The following RASGRF2 variants were observed in gnomAD, a reference collection of about 807,000 sequenced individuals.
RASGRF2 encodes Ras protein specific guanine nucleotide releasing factor 2.
A neutral mutation model predicts 151.0 loss-of-function variants in RASGRF2; 76 were observed. That is an observed-to-expected ratio of 0.50 (90% CI 0.42 to 0.61). RASGRF2 has a LOEUF of 0.61. Ranked by LOEUF, RASGRF2 falls within the 20% of genes least tolerant of loss-of-function variation. The probability of loss-of-function intolerance (pLI) is 0.00; values close to 1 mark genes in which losing one functional copy is unlikely to be tolerated. For missense variants in RASGRF2, 1,148 were observed against 1,564.6 expected, an observed-to-expected ratio of 0.73 and a Z score of 4.49; for synonymous variants, 504 against 566.5, an observed-to-expected ratio of 0.89 and a Z score of 1.57.
At chr5:81,002,884 G>A (rs1284336938) in intron 1 of RASGRF2, among the ~76,000 whole-genome samples, 3 of 152,100 alleles carry the variant, frequency 2.0e-5, no homozygotes, top group Non-Finnish European at 2.9e-5. Context: ...TTTGTTCATC[G>A]AGCTGCTTAT....
chr5:81,163,299 C>T (rs1246948965), intron 17 of RASGRF2, among the ~76,000 whole-genome samples: 3 of 152,038 alleles, frequency 2.0e-5, no homozygotes, highest in African/African-American at 4.8e-5. Flanking sequence ...CTAGGAAGTG[C>T]GATTTCTAGC....
chr5:81,225,562 C>T, intron 26 of RASGRF2, 116 bp from the exon 27 acceptor site: 11 of 1,286,278 alleles, frequency 8.6e-6, no homozygotes, highest in Admixed American at 7.5e-5. Context: ...ATTTTTTGGT[C>T]AAATAAGATT....
intron 18 of RASGRF2, among the ~76,000 whole-genome samples, chr5:81,184,508 A>C (rs1407495484): frequency 3.3e-5 from 5 of 152,208 alleles, no homozygotes; most frequent in African/African-American, 1.2e-4. Context: ...TGCTCTGTCC[A>C]TTTATTCGAG....
At chr5:81,073,134 T>C (rs1032911973) in intron 4 of RASGRF2, 65 bp from the exon 5 acceptor site, 6 of 1,508,966 alleles carry the variant, frequency 4.0e-6, no homozygotes, top group Non-Finnish European at 5.4e-6. Flanking sequence ...ATATTTCATG[T>C]TCTTTTCCAT....
intron 17 of RASGRF2, among the ~76,000 whole-genome samples, chr5:81,168,795 T>C (rs1754576241): frequency 1.3e-5 from 2 of 152,244 alleles, no homozygotes; most frequent in African/African-American, 4.8e-5. Flanking sequence ...TGACAACCGA[T>C]AGCTTGCCAG....
chr5:81,037,342 C>A (rs2112381351), intron 1 of RASGRF2, among the ~76,000 whole-genome samples: 1 of 152,270 alleles, frequency 6.6e-6, no homozygotes, highest in African/African-American at 2.4e-5. Flanking sequence ...ATATAGAATT[C>A]TATGTTGAAT....
At chr5:81,020,352 T>C (rs1033603819) in intron 1 of RASGRF2, among the ~76,000 whole-genome samples, 5 of 152,210 alleles carry the variant, frequency 3.3e-5, no homozygotes, top group Admixed American at 3.3e-4. Flanking sequence ...GTAATTTACC[T>C]GTAATCTTTT....
At chr5:81,056,784 A>G (rs1376441995) in intron 2 of RASGRF2, among the ~76,000 whole-genome samples, 1 of 152,156 alleles carries the variant, frequency 6.6e-6, no homozygotes, top group African/African-American at 2.4e-5. Flanking sequence ...TAGGTCTCTA[A>G]GGAGTTGCTT....
In RASGRF2 at chr5:80,973,017, C is replaced by T. The variant is rs145641299; in HGVS notation, c.288+11991C>T. 2.0e-3 allele frequency among the ~76,000 whole-genome samples: 311 copies of T among 152,226 alleles called. 3 individuals carry two copies. Among genetic ancestry groups the T allele is most frequent in the African/African-American group, 6.9e-3 (287 of 41,512 alleles). Reference sequence around the variant, plus strand: ...GTGGTTTGCCTTTCTACTCTCTTAACGGTGTCTTTAATGAACAGAAGTTCT... The same window carrying T: ...GTGGTTTGCCTTTCTACTCTCTTAATGGTGTCTTTAATGAACAGAAGTTCT... On this transcript the variant is annotated intron_variant, in intron 1 of 26. Transcript: ENST00000265080.
At chr5:80,973,222 C>T (rs1414474018) in intron 1 of RASGRF2, among the ~76,000 whole-genome samples, 1 of 152,154 alleles carries the variant, frequency 6.6e-6, no homozygotes, top group Non-Finnish European at 1.5e-5. Flanking sequence ...TCACAGAAGA[C>T]CCAACCATAG....
chr5:81,067,015 T>A (rs1306280156), intron 2 of RASGRF2, among the ~76,000 whole-genome samples: 1 of 152,202 alleles, frequency 6.6e-6, no homozygotes, highest in Non-Finnish European at 1.5e-5. Context: ...GTTTAGCTGG[T>A]GTTTAAGAAC....
At chr5:81,022,028 T>C (rs1749846081) in intron 1 of RASGRF2, among the ~76,000 whole-genome samples, 1 of 152,180 alleles carries the variant, frequency 6.6e-6, no homozygotes, top group Admixed American at 6.5e-5. Context: ...ATTCAGAATC[T>C]GAAAAACACC....
chr5:81,206,793 C>T, intron 19 of RASGRF2, 52 bp from the exon 20 acceptor site: 1 of 1,488,064 alleles, frequency 6.7e-7, no homozygotes. Flanking sequence ...TAGTTTTGTT[C>T]CTAGGTTGTC....
intron 1 of RASGRF2, among the ~76,000 whole-genome samples, chr5:81,039,721 C>A (rs1333687674): frequency 6.6e-6 from 1 of 151,272 alleles, no homozygotes; most frequent in African/African-American, 2.4e-5. Flanking sequence ...TATAACTTAC[C>A]ATATGTATAG....
intron 12 of RASGRF2, among the ~76,000 whole-genome samples, chr5:81,097,000 C>T (rs891990516): frequency 4.0e-5 from 6 of 151,330 alleles, no homozygotes; most frequent in African/African-American, 7.3e-5. Flanking sequence ...CTCGCTCTGT[C>T]GCCCAGGCTG....
intron 2 of RASGRF2, among the ~76,000 whole-genome samples, chr5:81,044,117 T>C (rs1438651004): frequency 1.3e-5 from 2 of 152,072 alleles, no homozygotes; most frequent in Non-Finnish European, 2.9e-5. Context: ...TCAGTTTGAT[T>C]GTAAGAATGA....
intron 2 of RASGRF2, among the ~76,000 whole-genome samples, chr5:81,060,643 C>T (rs1464321293): frequency 6.6e-6 from 1 of 152,096 alleles, no homozygotes; most frequent in East Asian, 1.9e-4. Context: ...AAATATACAA[C>T]ACTCAGTAAA....
chr5:81,064,345 G>T (rs1751532289), intron 2 of RASGRF2, among the ~76,000 whole-genome samples: 1 of 152,186 alleles, frequency 6.6e-6, no homozygotes, highest in Admixed American at 6.5e-5. Context: ...AAGACAGCAA[G>T]AGAAGGCAAG....
At chr5:81,126,546 C>T (rs546332743) in intron 16 of RASGRF2, among the ~76,000 whole-genome samples, 25 of 152,238 alleles carry the variant, frequency 1.6e-4, no homozygotes, top group Non-Finnish European at 2.8e-4. Flanking sequence ...TACTCATTAG[C>T]GGTCACTCTC....
Sources: allele counts gnomAD v4.1 joint callset (sites outside exome capture counted in the v4.1 genomes callset), GRCh38; gene constraint gnomAD v4.1.1; transcripts MANE v1.5; gene names NCBI Gene and HGNC (gene_info 2026-07-23, HGNC 2026-07-21).